The following PDE10A variants were observed in gnomAD, a reference collection of about 807,000 sequenced individuals.
PDE10A encodes cAMP and cAMP-inhibited cGMP 3',5'-cyclic phosphodiesterase 10A.
PDE10A carries 39 observed loss-of-function variants against 97.7 expected under a neutral mutation model. The observed-to-expected ratio is 0.40, with a 90% CI of 0.31 to 0.52. The LOEUF (loss-of-function observed/expected upper bound fraction) is 0.52. Among genes scored for constraint, PDE10A ranks in the 20% least tolerant of loss-of-function variants. The probability of loss-of-function intolerance (pLI) is 0.56; values close to 1 mark genes in which losing one functional copy is unlikely to be tolerated. For synonymous variants in PDE10A, 371 were observed against 376.8 expected (o/e 0.98, Z 0.18); for missense variants, 731 against 1,047.8 (o/e 0.70, Z 4.17).
chr6:165,360,023 T>C (rs1402129633), intron 18 of PDE10A, among the ~76,000 whole-genome samples: 2 of 152,192 alleles, frequency 1.3e-5, no homozygotes, highest in African/African-American at 4.8e-5. Context: ...CCCAATCCTG[T>C]GGAAGTTTGA....
At chr6:165,520,090 A>C (rs964718621) in intron 2 of PDE10A, among the ~76,000 whole-genome samples, 54 of 152,194 alleles carry the variant, frequency 3.5e-4, no homozygotes, top group African/African-American at 1.2e-3. Context: ...ATTCTGTTTG[A>C]AGTGACAATC....
chr6:165,796,287 C>G lies in PDE10A; in HGVS notation c.-615+191242G>C, dbSNP rs527632156. 8.6e-4 allele frequency among the ~76,000 whole-genome samples: 131 copies of G among 152,078 alleles called. 1 individual carries two copies. Among genetic ancestry groups the G allele is most frequent in the Non-Finnish European group, 1.0e-3 (68 of 67,986 alleles). ...ATTTTTTGTAGAGATGGGGTTTCACCGTGTTAGCCAGGATGGTCTCTATCT... is the reference window on the plus strand; with the variant it reads ...ATTTTTTGTAGAGATGGGGTTTCACGGTGTTAGCCAGGATGGTCTCTATCT... On this transcript the variant is annotated intron_variant, in intron 1 of 19. Transcript: ENST00000366882.
At chr6:165,579,221 T>C (rs1785479901) in intron 1 of PDE10A, among the ~76,000 whole-genome samples, 1 of 152,206 alleles carries the variant, frequency 6.6e-6, no homozygotes, top group Non-Finnish European at 1.5e-5. Context: ...GATGGAAACA[T>C]GCAAGATTTA....
At chr6:165,371,127 G>A (rs2128201141) in intron 18 of PDE10A, among the ~76,000 whole-genome samples, 1 of 150,800 alleles carries the variant, frequency 6.6e-6, no homozygotes, top group Admixed American at 6.6e-5. Context: ...AGAGAAAGCA[G>A]GAAAGATCCA....
intron 1 of PDE10A, among the ~76,000 whole-genome samples, chr6:165,617,121 A>G (rs1787761056): frequency 6.6e-6 from 1 of 152,190 alleles, no homozygotes; most frequent in Non-Finnish European, 1.5e-5. Context: ...ACATCCTTAA[A>G]TGGAAATGCC....
intron 1 of PDE10A, among the ~76,000 whole-genome samples, chr6:165,680,626 A>G (rs1790948304): frequency 6.6e-6 from 1 of 152,230 alleles, no homozygotes. Flanking sequence ...ATTACCAGCC[A>G]GGAGCGGGGG....
In PDE10A at chr6:165,786,764, C is replaced by T. The variant is rs533342623; in HGVS notation, c.-615+200765G>A. 5.3e-5 allele frequency among the ~76,000 whole-genome samples: 8 copies of T among 152,274 alleles called. No homozygotes were observed. The South Asian group carries it at 1.7e-3, about 32-fold the overall frequency. The stretch of plus-strand genomic sequence containing the variant: ...TCCTGAAATGAGAATACTAGAGCAA[C>T]TCTAAATGGATCAACTTGTGAGTCA... On this transcript the variant is annotated intron_variant, in intron 1 of 19. Transcript: ENST00000366882.
chr6:165,859,295 A>G (rs1780836459), intron 1 of PDE10A, among the ~76,000 whole-genome samples: 1 of 152,190 alleles, frequency 6.6e-6, no homozygotes, highest in Non-Finnish European at 1.5e-5. Flanking sequence ...CTTTTTTCAA[A>G]GAAAAGTTTT....
intron 15 of PDE10A, among the ~76,000 whole-genome samples, 188 bp from the exon 16 acceptor site, chr6:165,392,984 A>G (rs1785837374): frequency 6.6e-6 from 1 of 152,138 alleles, no homozygotes; most frequent in African/African-American, 2.4e-5. Context: ...TCTAGCCAAA[A>G]AGAAGTAAGA....
intron 1 of PDE10A, among the ~76,000 whole-genome samples, chr6:165,887,613 C>T (rs1472727308): frequency 6.6e-6 from 1 of 152,136 alleles, no homozygotes; most frequent in Non-Finnish European, 1.5e-5. Flanking sequence ...GTGACTAAGA[C>T]CAATATGCTT....
At chr6:165,508,813 G>C (rs954480678) in intron 2 of PDE10A, among the ~76,000 whole-genome samples, 2 of 151,962 alleles carry the variant, frequency 1.3e-5, no homozygotes, top group South Asian at 2.1e-4. Flanking sequence ...TTCACCAACT[G>C]TAAGTATACA....
rs141035890 is a variant in PDE10A, at chr6:165,518,537, C to A, written c.994+24903G>T. 5.1e-3 allele frequency among the ~76,000 whole-genome samples: 769 copies of A among 152,178 alleles called. 5 individuals are homozygous for A. Among genetic ancestry groups the A allele is most frequent in the Middle Eastern group, 0.01 (3 of 294 alleles). On this transcript the variant is annotated intron_variant, in intron 2 of 21. Coordinates refer to ENST00000539869, the MANE Select transcript of PDE10A (RefSeq NM_001385079.1). ...TTACGGGATCAACCGTCCTGGTATCCCAGTGTTTGTGTTCAAGTCGCCCTC... is the reference window on the plus strand; with the variant it reads ...TTACGGGATCAACCGTCCTGGTATCACAGTGTTTGTGTTCAAGTCGCCCTC...
At chr6:165,432,032 C>G (rs1158123477) in intron 7 of PDE10A, among the ~76,000 whole-genome samples, 1 of 152,160 alleles carries the variant, frequency 6.6e-6, no homozygotes, top group South Asian at 2.1e-4. Context: ...TTTTCTACTT[C>G]TTTTATTATT....
chr6:165,352,958 T>C (rs1782793289), intron 18 of PDE10A, among the ~76,000 whole-genome samples: 1 of 151,934 alleles, frequency 6.6e-6, no homozygotes, highest in South Asian at 2.1e-4. Flanking sequence ...TCAAAGACTG[T>C]TACCACAAAT....
intron 1 of PDE10A, among the ~76,000 whole-genome samples, chr6:165,619,384 C>G (rs865888701): frequency 4.2e-3 from 117 of 27,604 alleles, no homozygotes; most frequent in Middle Eastern, 0.028. Flanking sequence ...GTAGTGTAGT[C>G]TAGTATAGTG....
chr6:165,508,229 G>A (rs1444520623), intron 2 of PDE10A, among the ~76,000 whole-genome samples: 3 of 151,982 alleles, frequency 2.0e-5, no homozygotes, highest in African/African-American at 7.2e-5. Context: ...CCTGCCAACT[G>A]CCATCCCAAG....
At chr6:165,370,937 G>T (rs879367640) in intron 18 of PDE10A, among the ~76,000 whole-genome samples, 1 of 133,256 alleles carries the variant, frequency 7.5e-6, no homozygotes, top group Non-Finnish European at 1.6e-5. Flanking sequence ...ACTCAAAACT[G>T]CTCAACTACA....
chr6:165,490,140 T>C (rs1284143348), intron 2 of PDE10A, among the ~76,000 whole-genome samples: 1 of 151,948 alleles, frequency 6.6e-6, no homozygotes, highest in Non-Finnish European at 1.5e-5. Flanking sequence ...AGGCACAGAG[T>C]CATCGGATTA....
intron 1 of PDE10A, among the ~76,000 whole-genome samples, chr6:165,686,782 G>A (rs1031226362): frequency 3.3e-5 from 5 of 152,310 alleles, no homozygotes; most frequent in East Asian, 1.9e-4. Context: ...CTCATTAGCC[G>A]GTCGGTCCTT....
Sources: allele counts gnomAD v4.1 joint callset (sites outside exome capture counted in the v4.1 genomes callset), GRCh38; gene constraint gnomAD v4.1.1; transcripts MANE v1.5; gene names NCBI Gene and HGNC (gene_info 2026-07-23, HGNC 2026-07-21).